Variants in FMNL1 observed in about 807,000 individuals in gnomAD.
FMNL1 encodes the protein formin like 1, also known as formin-like protein 1.
A neutral mutation model predicts 121.3 loss-of-function variants in FMNL1; 43 were observed. The observed-to-expected ratio is 0.35, with a 90% CI of 0.28 to 0.46. FMNL1 has a LOEUF of 0.46. Among genes scored for constraint, FMNL1 ranks in the 20% least tolerant of loss-of-function variants. FMNL1 has a pLI of 1.00. For missense variants in FMNL1, 1,191 were observed against 1,482.4 expected (o/e 0.80, Z 3.23); for synonymous variants, 613 against 613.5 (o/e 1.00, Z 0.01).
Position 45,233,497 on chromosome 17 carries a change from G to T in FMNL1, c.402-151G>T. The stretch of plus-strand genomic sequence containing the variant: ...GCACCTTGAGGCATGGCTGGGCTGT[G>T]GGACCCACCTGAGTCTCCCAGAATC... On this transcript the variant is annotated intron_variant, in intron 4 of 26. Transcript: ENST00000331495. The surrounding 1 kb of genome is among the most constrained non-coding windows in gnomAD (Gnocchi z 4.1). 9.7e-7 allele frequency: 1 copy of T among 1,030,522 alleles called. No homozygotes were observed. The highest frequency in any genetic ancestry group is 1.6e-5 in the South Asian group (1 of 63,514). 63.8% of individuals were successfully genotyped at this position (1,030,522 alleles called of 1,614,324 possible).
chr17:45,233,631 G>T lies in FMNL1; in HGVS notation c.402-17G>T. 6.2e-7 allele frequency: 1 copy of T among 1,613,834 alleles called. No homozygotes were observed. The highest frequency in any genetic ancestry group is 8.5e-7 in the Non-Finnish European group (1 of 1,179,912). On this transcript the variant is annotated splice_polypyrimidine_tract_variant and intron_variant, in intron 4 of 26. Coordinates refer to ENST00000331495, the MANE Select transcript of FMNL1 (RefSeq NM_005892.4). The surrounding 1 kb of genome is among the most constrained non-coding windows in gnomAD (Gnocchi z 4.1). Reference sequence around the variant, plus strand: ...ACCTCCTTTCTGGCTGGAGCTCAGGGAGCCCTGTGCCCACAGGTGGGTGCA... The same window carrying T: ...ACCTCCTTTCTGGCTGGAGCTCAGGTAGCCCTGTGCCCACAGGTGGGTGCA...
chr17:45,246,544 G>A lies in FMNL1; in HGVS notation c.3251G>A (p.Arg1084Gln). The A allele has an allele frequency of 1.2e-6, 2 of 1,613,764 alleles. No individual in the cohort carries two copies. Among genetic ancestry groups the A allele is most frequent in the East Asian group, 2.2e-5 (1 of 44,878 alleles). ...CCCTTCACGGCCCGCACCGGCAAGC[G>A]GACATCCCGGCTCCTCTGTGAGGCC... ...TVPFTARTGKRTSRLLCEASL... is the reference protein window; with the variant it reads ...TVPFTARTGKQTSRLLCEASL... Residue 1084 changes from arginine to glutamine, a missense_variant, in exon 26 of 27, where the codon CGG (arginine) becomes CAG (glutamine). Coordinates refer to ENST00000331495, the MANE Select transcript of FMNL1 (RefSeq NM_005892.4).
rs2043576201 is a variant in FMNL1 at position 45,237,455 on chromosome 17, A to G, written c.801-91A>G. 6.2e-7 allele frequency: 1 copy of G among 1,606,686 alleles called. No homozygotes were observed. Among genetic ancestry groups the G allele is most frequent in the African/African-American group, 1.3e-5 (1 of 74,708 alleles). On this transcript the variant is annotated intron_variant, in intron 8 of 26. Transcript: ENST00000331495. The surrounding 1 kb of genome is among the most constrained non-coding windows in gnomAD (Gnocchi z 4.4). ...TCCAGGTCTCAGAGGCTCATTCTGC[A>G]CCCACTATGCTCCTCCTAGCCAGGC...
intron 6 of FMNL1, 114 bp from the exon 7 acceptor site, chr17:45,236,022 T>C: frequency 3.8e-6 from 3 of 795,764 alleles, no homozygotes; most frequent in Non-Finnish European, 6.1e-6. Context: ...GTAGATGGGA[T>C]GTGGTGCCGT....
chr17:45,247,083 C>G lies in FMNL1; in HGVS notation c.*225C>G. 1.6e-6 allele frequency: 1 copy of G among 612,294 alleles called. No homozygotes were observed. 37.9% of individuals were successfully genotyped at this position (612,294 alleles called of 1,614,324 possible). Reference sequence around the variant, plus strand: ...GGGCAGCCCCTCCTCCGCTGTGGCCCGCCTCAAACGGGCTGGTGCATCCTC... The same window carrying G: ...GGGCAGCCCCTCCTCCGCTGTGGCCGGCCTCAAACGGGCTGGTGCATCCTC... On this transcript the variant is annotated 3_prime_UTR_variant, in exon 27 of 27. Coordinates refer to ENST00000331495, the MANE Select transcript of FMNL1 (RefSeq NM_005892.4).
intron 1 of FMNL1, 21 bp downstream of exon 1, chr17:45,222,274 G>T: frequency 1.7e-6 from 2 of 1,171,550 alleles, no homozygotes; most frequent in African/African-American, 3.2e-5. Flanking sequence ...CCCGGAGGCG[G>T]GTCGGGCGCG....
At position 45,242,021 on chromosome 17, in the gene FMNL1, C is replaced by T; in HGVS notation, c.1760C>T (p.Pro587Leu). The T allele has an allele frequency of 7.4e-7, 1 of 1,345,652 alleles. No homozygotes were observed. The highest frequency in any genetic ancestry group is 9.5e-7 in the Non-Finnish European group (1 of 1,047,908). 83.4% of individuals were successfully genotyped at this position (1,345,652 alleles called of 1,614,324 possible). ...CCGCTGCCCGGAGACCTGCCGCCCC[C>T]ACCCCCGCCACCGCCACCACCTCCG... is the stretch of plus-strand genomic sequence containing the variant. ...APPLPGDLPPPPPPPPPPPGT... is the reference protein window; with the variant it reads ...APPLPGDLPPLPPPPPPPPGT... The change falls in exon 15 of 27, where the codon CCA becomes CTA. Residue 587 changes from proline (P) to leucine (L), a missense_variant. Pro to Leu is a moderately conservative substitution (Grantham distance 98). This residue lies in a region of FMNL1 where 519 missense variants were observed against 492.8 expected (regional missense o/e 1.05). Transcript: ENST00000331495.
At chr17:45,230,565 G>T in intron 1 of FMNL1, 39 bp from the exon 2 acceptor site, 1 of 1,609,506 alleles carries the variant, frequency 6.2e-7, no homozygotes, top group Non-Finnish European at 8.5e-7. Context: ...CCCTTGTTGG[G>T]GCCCCAGGCT....
At position 45,241,589 on chromosome 17, in the gene FMNL1, G is replaced by A. The variant is rs199738233; in HGVS notation, c.1540G>A (p.Gly514Ser). 10 of 1,554,734 alleles carry A rather than the reference G, an allele frequency of 6.4e-6. No individual in the cohort carries two copies. The highest frequency in any genetic ancestry group is 5.4e-5 in the African/African-American group (4 of 73,978). Residue 514 changes from glycine to serine, a missense_variant, in exon 14 of 27, where the codon GGT becomes AGT. Gly to Ser is a moderately conservative substitution (Grantham distance 56). This residue lies in a region of FMNL1 where 519 missense variants were observed against 492.8 expected (regional missense o/e 1.05). Transcript: ENST00000331495. The surrounding 1 kb of genome is among the most constrained non-coding windows in gnomAD (Gnocchi z 7.0). ...LPVAVATPSG[G>S]DAPTPGVPTG... ...CGTCGCTGTGGCAACTCCGAGCGGC[G>A]GTGATGCTCCGACTCCGGGGGTGCC...
At chr17:45,240,979 G>A in intron 12 of FMNL1, 150 bp from the exon 13 acceptor site, 1 of 934,252 alleles carries the variant, frequency 1.1e-6, no homozygotes, top group South Asian at 1.5e-5. Context: ...TTGGGTTCGA[G>A]TGCCAGGCTC....
chr17:45,242,553 T>C, intron 16 of FMNL1, 88 bp downstream of exon 16: 1 of 1,517,452 alleles, frequency 6.6e-7, no homozygotes, highest in Non-Finnish European at 8.9e-7. Flanking sequence ...GTAGTCATTT[T>C]CTCCAAGCCA....
Position 45,233,322 on chromosome 17 carries a change from C to T in FMNL1, c.401+25C>T, listed in dbSNP as rs1458577090. 1.3e-6 allele frequency: 2 copies of T among 1,549,764 alleles called. No individual in the cohort carries two copies. The highest frequency in any genetic ancestry group is 1.7e-6 in the Non-Finnish European group (2 of 1,146,398). On this transcript the variant is annotated intron_variant, in intron 4 of 26. Transcript: ENST00000331495. This position sits in a 1 kb window ranked among gnomAD's most constrained non-coding sequence, Gnocchi z 4.1. The stretch of plus-strand genomic sequence containing the variant: ...GGTGAGTGAGGGCTCAGATCTTCCT[C>T]TCTGGGCCTAGGAAGGCTCTGCTTC...
chr17:45,225,125 G>A (rs539535070), intron 1 of FMNL1, among the ~76,000 whole-genome samples: 1 of 152,362 alleles, frequency 6.6e-6, no homozygotes, highest in African/African-American at 2.4e-5. Context: ...GGTGGTGTAC[G>A]TGAGGCCAAA....
At position 45,234,072 on chromosome 17, in the gene FMNL1, G is replaced by A. The variant is rs142930756; in HGVS notation, c.486G>A (p.Thr162=). ...EYLAFAQCSV[T]YDMESTDNGA... is the part of the protein sequence containing the mutation. ...CAGCCCCATTGCATCCTGTCCCCAG[G>A]TATGACATGGAGAGCACAGACAACG... Residue 162 remains threonine, a splice_region_variant and synonymous_variant, in exon 6 of 27, where the codon ACG becomes ACA. Transcript: ENST00000331495. 1.3e-3 allele frequency: 2,085 copies of A among 1,613,944 alleles called. 2 individuals carry two copies. Among genetic ancestry groups the A allele is most frequent in the South Asian group, 2.5e-3 (229 of 91,064 alleles).
At chr17:45,234,264 T>G in intron 6 of FMNL1, 64 bp downstream of exon 6, 2 of 1,611,612 alleles carry the variant, frequency 1.2e-6, no homozygotes, top group Non-Finnish European at 1.7e-6. Context: ...CTGCTGCATC[T>G]AGCCAGCCCA....
In FMNL1 at chr17:45,245,294, C is replaced by G; in HGVS notation, c.2770C>G (p.Arg924Gly). 6.2e-7 allele frequency: 1 copy of G among 1,614,192 alleles called. No individual in the cohort carries two copies. The highest frequency in any genetic ancestry group is 8.5e-7 in the Non-Finnish European group (1 of 1,180,030). The change falls in exon 22 of 27, where the codon CGA (arginine) becomes GGA (glycine). Residue 924 changes from arginine (R) to glycine (G), a missense_variant. Arg to Gly is a moderately radical substitution (Grantham distance 125). Coordinates refer to ENST00000331495, the MANE Select transcript of FMNL1 (RefSeq NM_005892.4). Reference sequence around the variant, plus strand: ...CCTGGCGGACGTGCGCTCCCTGCAGCGAGGCCTAGAGTTGACACAGAGAGA... The same window carrying G: ...CCTGGCGGACGTGCGCTCCCTGCAGGGAGGCCTAGAGTTGACACAGAGAGA... ...SVLADVRSLQ[R>G]GLELTQREFV...
Position 45,231,752 on chromosome 17 carries a change from G to C in FMNL1, c.214-615G>C, listed in dbSNP as rs2043442572. Among the ~76,000 whole-genome samples, 1 of 152,156 alleles carries C rather than the reference G, an allele frequency of 6.6e-6. No homozygotes were observed. Among genetic ancestry groups the C allele is most frequent in the East Asian group, 1.9e-4 (1 of 5,190 alleles). On this transcript the variant is annotated intron_variant, in intron 2 of 26. Coordinates refer to ENST00000331495, the MANE Select transcript of FMNL1 (RefSeq NM_005892.4). This position sits in a 1 kb window ranked among gnomAD's most constrained non-coding sequence, Gnocchi z 4.7. ...GAGCACGCAGGTTCCTGCCAACGCAGATGTGCAGGGCGGCTGGGTCCGAGT... is the reference window on the plus strand; with the variant it reads ...GAGCACGCAGGTTCCTGCCAACGCACATGTGCAGGGCGGCTGGGTCCGAGT...
chr17:45,242,486 C>T, intron 16 of FMNL1, 21 bp downstream of exon 16: 1 of 1,607,272 alleles, frequency 6.2e-7, no homozygotes, highest in Non-Finnish European at 8.5e-7. Context: ...CTGCCTGGCT[C>T]CCCATGTGGG....
intron 9 of FMNL1, chr17:45,238,180 G>A (rs1133458): frequency 0.19 from 41,852 of 220,316 alleles, 5,254 homozygotes; most frequent in African/African-American, 0.37. Context: ...GATAAATGCT[G>A]TGAGAAAAAA....
Sources: allele counts gnomAD v4.1 joint callset (sites outside exome capture counted in the v4.1 genomes callset), GRCh38; gene constraint gnomAD v4.1.1; regional missense constraint gnomAD v4.1.1; non-coding constraint Gnocchi (gnomAD v3.1); transcripts MANE v1.5; gene names NCBI Gene and HGNC (gene_info 2026-07-23, HGNC 2026-07-21).